Variants in ARSB observed in about 807,000 individuals in gnomAD.
ARSB encodes arylsulfatase B, also known as N-acetylgalactosamine-4-sulfatase.
ARSB carries 41 observed loss-of-function variants against 50.9 expected under a neutral mutation model. The observed-to-expected ratio is 0.81, with a 90% CI of 0.63 to 1.04. The LOEUF is 1.04. Ranked by LOEUF, ARSB falls within the 50% of genes least tolerant of loss-of-function variation. The pLI, the probability that ARSB is intolerant of heterozygous loss-of-function variation, is 0.00. For synonymous variants in ARSB, 269 were observed against 284.8 expected (o/e 0.94, Z 0.56); for missense variants, 672 against 693.3 (o/e 0.97, Z 0.35).
chr5:78,905,256 A>G (rs1371056082), intron 4 of ARSB, among the ~76,000 whole-genome samples: 2 of 151,966 alleles, frequency 1.3e-5, no homozygotes, highest in Non-Finnish European at 2.9e-5. Flanking sequence ...GACAACACCA[A>G]TATTTGGATG....
At chr5:78,919,062 A>G (rs1370195715) in intron 4 of ARSB, among the ~76,000 whole-genome samples, 1 of 152,234 alleles carries the variant, frequency 6.6e-6, no homozygotes, top group Non-Finnish European at 1.5e-5. Context: ...ATTTCAATAC[A>G]GGAAGCTAGG....
chr5:78,985,376 CT>C (rs1043719960), upstream of ARSB: 3 of 957,170 alleles, frequency 3.1e-6, no homozygotes, highest in African/African-American at 5.2e-5. Context: ...GGGCCGTGGG[CT>C]TGCGAGGCCG....
At chr5:78,854,206 C>T (rs940395385) in intron 5 of ARSB, among the ~76,000 whole-genome samples, 1 of 152,030 alleles carries the variant, frequency 6.6e-6, no homozygotes, top group African/African-American at 2.4e-5. Context: ...ATCTTGGCTG[C>T]CAGATCTCCG....
chr5:78,876,412 A>C (rs1330744622), intron 5 of ARSB, among the ~76,000 whole-genome samples: 1 of 152,238 alleles, frequency 6.6e-6, no homozygotes, highest in African/African-American at 2.4e-5. Flanking sequence ...CTCTTGCCTA[A>C]AACAACCCAA....
chr5:78,814,881 C>T (rs1743933856), intron 6 of ARSB, among the ~76,000 whole-genome samples: 1 of 150,662 alleles, frequency 6.6e-6, no homozygotes. Flanking sequence ...TTTCAGCATG[C>T]TGCCCAGGTG....
At chr5:78,876,913 C>T (rs1469373518) in intron 5 of ARSB, among the ~76,000 whole-genome samples, 5 of 152,098 alleles carry the variant, frequency 3.3e-5, no homozygotes, top group African/African-American at 7.2e-5. Flanking sequence ...ACTGCGCATG[C>T]GAGGGATCTA....
chr5:78,855,950 A>G (rs56165048), intron 5 of ARSB, among the ~76,000 whole-genome samples: 19,299 of 152,112 alleles, frequency 0.13, 1,424 homozygotes, highest in Middle Eastern at 0.21. Context: ...CTTGTGCACC[A>G]CTGTGCTCCT....
chr5:78,838,583 C>G (rs1051909243), intron 6 of ARSB, among the ~76,000 whole-genome samples: 1 of 152,108 alleles, frequency 6.6e-6, no homozygotes, highest in Non-Finnish European at 1.5e-5. Context: ...CAGAAAGGAG[C>G]GGATGGGAGC....
chr5:78,891,200 T>C (rs937310223), intron 4 of ARSB, among the ~76,000 whole-genome samples: 5 of 152,206 alleles, frequency 3.3e-5, no homozygotes, highest in Admixed American at 6.5e-5. Context: ...GGTCACTGCA[T>C]TGTTTTTTCT....
intron 6 of ARSB, among the ~76,000 whole-genome samples, chr5:78,802,872 G>T (rs542492116): frequency 4.9e-4 from 74 of 152,332 alleles, no homozygotes; most frequent in Non-Finnish European, 7.1e-4. Flanking sequence ...TAGGATCAAA[G>T]TCTTTAAATT....
intron 4 of ARSB, among the ~76,000 whole-genome samples, chr5:78,901,695 A>G (rs933837914): frequency 3.3e-5 from 5 of 152,252 alleles, no homozygotes; most frequent in Non-Finnish European, 7.3e-5. Flanking sequence ...TAACCAAATT[A>G]AAATATTGAC....
At chr5:78,787,824 G>C (rs1749132496) in intron 6 of ARSB, among the ~76,000 whole-genome samples, 1 of 152,098 alleles carries the variant, frequency 6.6e-6, no homozygotes, top group Admixed American at 6.5e-5. Context: ...TGGAGCTATA[G>C]GACTGGCCTC....
At chr5:78,814,730 T>C (rs1358296194) in intron 6 of ARSB, among the ~76,000 whole-genome samples, 1 of 150,792 alleles carries the variant, frequency 6.6e-6, no homozygotes, top group Non-Finnish European at 1.5e-5. Flanking sequence ...GACAAAGAAC[T>C]ATGGATTATA....
rs561138551 is a variant in ARSB at position 78,777,557 on chromosome 5, A to C, written c.*2840T>G. The stretch of plus-strand genomic sequence containing the variant: ...AATTAAATAAGCAAAACCTTCTGTA[A>C]AGGTAAAAAAATTTGCCGGGCACAG... On this transcript the variant is annotated 3_prime_UTR_variant, in exon 8 of 8. Coordinates refer to ENST00000264914, the MANE Select transcript of ARSB (RefSeq NM_000046.5). 1.8e-4 allele frequency: 27 copies of C among 152,662 alleles called. No individual in the cohort carries two copies. The highest frequency in any genetic ancestry group is 6.3e-4 in the African/African-American group (26 of 41,530). The allele number at this position is 152,662 out of a possible 1,614,324, so 9.5% of individuals were successfully genotyped here.
At chr5:78,905,344 G>GTTTTTTTTTTTTTTTTTTTTT (rs60622885) in intron 4 of ARSB, among the ~76,000 whole-genome samples, 2 of 130,542 alleles carry the variant, frequency 1.5e-5, no homozygotes, top group Non-Finnish European at 3.2e-5. Flanking sequence ...GTATTTTCCT[G>GTTTTTTTTTTTTTTTTTTTTT]TTTTTTTTTT....
chr5:78,973,182 A>G (rs1752534115), intron 1 of ARSB, among the ~76,000 whole-genome samples: 1 of 152,224 alleles, frequency 6.6e-6, no homozygotes, highest in South Asian at 2.1e-4. Flanking sequence ...CCTGATAAAC[A>G]CAACAGAATA....
chr5:78,864,333 T>C (rs1746600242), intron 5 of ARSB, among the ~76,000 whole-genome samples: 1 of 152,148 alleles, frequency 6.6e-6, no homozygotes, highest in Admixed American at 6.5e-5. Flanking sequence ...CCATCTTACA[T>C]GGATGGCAGC....
chr5:78,954,194 G>A (rs1399055266), intron 4 of ARSB, among the ~76,000 whole-genome samples: 1 of 151,954 alleles, frequency 6.6e-6, no homozygotes, highest in Non-Finnish European at 1.5e-5. Context: ...GTGGGACGGA[G>A]GGCCACACAA....
chr5:78,979,645 CCT>C (rs1166759120), intron 1 of ARSB, among the ~76,000 whole-genome samples: 3 of 152,290 alleles, frequency 2.0e-5, no homozygotes, highest in Non-Finnish European at 4.4e-5. Context: ...CCTGTTTCCC[CCT>C]TTTTTCCTTT....
Sources: gnomAD v4.1 joint callset for allele counts (sites outside exome capture counted in the v4.1 genomes callset) on GRCh38, gnomAD v4.1.1 for gene constraint, MANE v1.5 for transcripts, NCBI Gene and HGNC (gene_info 2026-07-23, HGNC 2026-07-21) for gene names.